Variants in ANO2 observed in about 807,000 individuals in gnomAD.
The protein encoded by ANO2 is anoctamin 2.
Under a neutral mutation model 124.2 loss-of-function variants are expected in ANO2, and 101 were observed. The ratio of observed to expected loss-of-function variants is 0.81; its 90% CI spans 0.69 to 0.96. The LOEUF is 0.96. ANO2 is among the 40% of genes least tolerant of loss of function. The pLI, the probability that ANO2 is intolerant of heterozygous loss-of-function variation, is 0.00. For synonymous variants in ANO2, 486 were observed against 482.5 expected, an observed-to-expected ratio of 1.01 and a Z score of -0.09; for missense variants, 1,293 against 1,274.5, an observed-to-expected ratio of 1.01 and a Z score of -0.22.
chr12:5,653,136 A>G (rs379170), intron 14 of ANO2, among the ~76,000 whole-genome samples: 63,969 of 152,102 alleles, frequency 0.42, 15,564 homozygotes, highest in African/African-American at 0.66. Context: ...GTGGAACTGG[A>G]TTTGGGCTTC....
chr12:5,856,826 G>A (rs1052674119), intron 3 of ANO2, among the ~76,000 whole-genome samples: 10 of 152,192 alleles, frequency 6.6e-5, no homozygotes, highest in African/African-American at 2.4e-4. Context: ...ATCCATTGCA[G>A]CCTAATCTTA....
At chr12:5,649,965 A>T (rs1224030260) in intron 14 of ANO2, among the ~76,000 whole-genome samples, 1 of 152,200 alleles carries the variant, frequency 6.6e-6, no homozygotes, top group Non-Finnish European at 1.5e-5. Flanking sequence ...GGGTATTTTT[A>T]AAAGATTTTT....
chr12:5,945,867 C>A (rs370349405), upstream of ANO2, among the ~76,000 whole-genome samples: 26 of 152,264 alleles, frequency 1.7e-4, no homozygotes, highest in East Asian at 2.7e-3. Flanking sequence ...AGGAGGGGTC[C>A]ATTTTACAAG....
intron 23 of ANO2, among the ~76,000 whole-genome samples, chr12:5,571,010 G>C (rs1942074931): frequency 6.6e-6 from 1 of 152,186 alleles, no homozygotes; most frequent in African/African-American, 2.4e-5. Context: ...GCAGCCATGG[G>C]CTGGAAGGGA....
rs962819958 is a variant in ANO2 at position 5,787,583 on chromosome 12, G to A, written c.1055+11924C>T. On this transcript the variant is annotated intron_variant, in intron 10 of 24. Transcript: ENST00000682330. This position sits in a 1 kb window ranked among gnomAD's most constrained non-coding sequence, Gnocchi z 4.2. Reference sequence around the variant, plus strand: ...TGAGGATGATAGTATCGATCTCGACGGGGTGTTGTGAGTTAGCAAATGCCA... The same window carrying A: ...TGAGGATGATAGTATCGATCTCGACAGGGTGTTGTGAGTTAGCAAATGCCA... Among the ~76,000 whole-genome samples, 2 of 152,106 alleles carry A rather than the reference G, an allele frequency of 1.3e-5. No homozygotes were observed. Among genetic ancestry groups the A allele is most frequent in the South Asian group, 2.1e-4 (1 of 4,826 alleles).
intron 14 of ANO2, among the ~76,000 whole-genome samples, chr12:5,662,864 T>C (rs1355526805): frequency 6.6e-6 from 1 of 152,104 alleles, no homozygotes; most frequent in African/African-American, 2.4e-5. Flanking sequence ...AAAAGGCAAG[T>C]TGGGTAGGAC....
intron 10 of ANO2, among the ~76,000 whole-genome samples, chr12:5,757,189 A>G (rs910906309): frequency 6.6e-6 from 1 of 152,230 alleles, no homozygotes; most frequent in Non-Finnish European, 1.5e-5. Context: ...GTTTCAGTAG[A>G]AGGGTGAGGC....
chr12:5,878,469 C>T (rs916680339), intron 3 of ANO2, among the ~76,000 whole-genome samples: 1 of 152,204 alleles, frequency 6.6e-6, no homozygotes. Context: ...TGGGTCATAA[C>T]AAGTATGTCC....
At chr12:5,677,894 T>C (rs1006261702) in intron 14 of ANO2, among the ~76,000 whole-genome samples, 1 of 152,170 alleles carries the variant, frequency 6.6e-6, no homozygotes, top group African/African-American at 2.4e-5. Flanking sequence ...CCACATCCTC[T>C]TAGCATCTTA....
chr12:5,740,196 C>T, intron 12 of ANO2: 2 of 320,396 alleles, frequency 6.2e-6, no homozygotes, highest in South Asian at 5.2e-5. Flanking sequence ...TGATAGAGCA[C>T]TCAGATTCCC....
At chr12:5,686,250 G>A (rs1443496233) in intron 14 of ANO2, among the ~76,000 whole-genome samples, 1 of 152,122 alleles carries the variant, frequency 6.6e-6, no homozygotes, top group Non-Finnish European at 1.5e-5. Flanking sequence ...TGTCAACCCT[G>A]CAGGACCACT....
chr12:5,915,096 CA>C (rs1423470777), intron 3 of ANO2, among the ~76,000 whole-genome samples: 1 of 152,174 alleles, frequency 6.6e-6, no homozygotes, highest in Non-Finnish European at 1.5e-5. Context: ...AATTAGCCCC[CA>C]ACTCTGACAC....
At chr12:5,736,698 T>C (rs1950879387) in intron 13 of ANO2, among the ~76,000 whole-genome samples, 1 of 152,112 alleles carries the variant, frequency 6.6e-6, no homozygotes, top group Non-Finnish European at 1.5e-5. Context: ...GAGATACAGA[T>C]TAGCAATCAG....
At chr12:5,820,360 C>A (rs900551117) in intron 7 of ANO2, among the ~76,000 whole-genome samples, 1 of 152,092 alleles carries the variant, frequency 6.6e-6, no homozygotes, top group Non-Finnish European at 1.5e-5. Flanking sequence ...TCCAGGGGAC[C>A]CAAAACGTCA....
At chr12:5,631,742 G>T (rs146995011) in intron 16 of ANO2, among the ~76,000 whole-genome samples, 1 of 152,188 alleles carries the variant, frequency 6.6e-6, no homozygotes, top group African/African-American at 2.4e-5. Flanking sequence ...GAGCAAGGCC[G>T]GGGTGGGACA....
intron 14 of ANO2, among the ~76,000 whole-genome samples, chr12:5,681,967 C>G (rs144287532): frequency 6.6e-6 from 1 of 152,018 alleles, no homozygotes; most frequent in African/African-American, 2.4e-5. Context: ...TGGGGAAAAT[C>G]ATGGAAAAAA....
chr12:5,621,427 CA>C (rs1276895286), intron 16 of ANO2, among the ~76,000 whole-genome samples: 1 of 152,160 alleles, frequency 6.6e-6, no homozygotes, highest in Non-Finnish European at 1.5e-5. Flanking sequence ...CAGGTGTAAC[CA>C]TATGACAGGA....
intron 7 of ANO2, 90 bp from the exon 8 acceptor site, chr12:5,807,458 C>T (rs1196098299): frequency 1.8e-6 from 2 of 1,119,182 alleles, no homozygotes; most frequent in African/African-American, 1.6e-5. Flanking sequence ...CTTTCACATG[C>T]CCCCCCAGTT....
intron 14 of ANO2, among the ~76,000 whole-genome samples, chr12:5,721,360 A>G (rs1950228610): frequency 6.6e-6 from 1 of 152,258 alleles, no homozygotes; most frequent in East Asian, 1.9e-4. Context: ...CACAGTTTCC[A>G]CAGGCTGTTG....
Sources: gnomAD v4.1 joint callset for allele counts (sites outside exome capture counted in the v4.1 genomes callset) on GRCh38, gnomAD v4.1.1 for gene constraint, Gnocchi (gnomAD v3.1) non-coding constraint, MANE v1.5 for transcripts, NCBI Gene and HGNC (gene_info 2026-07-23, HGNC 2026-07-21) for gene names.